ABLIM3: variants seen among roughly 807,000 people sequenced by gnomAD.
The protein encoded by ABLIM3 is actin binding LIM protein family member 3.
Under a neutral mutation model 109.5 loss-of-function variants are expected in ABLIM3, and 61 were observed. The observed-to-expected ratio is 0.56, with a 90% CI of 0.45 to 0.69. The LOEUF (loss-of-function observed/expected upper bound fraction) is 0.69, where lower values mean the gene tolerates loss of function less well. ABLIM3 is among the 30% of genes least tolerant of loss of function. ABLIM3 has a pLI of 0.00. For synonymous variants in ABLIM3, 300 were observed against 324.8 expected, an observed-to-expected ratio of 0.92 and a Z score of 0.82; for missense variants, 796 against 889.5, an observed-to-expected ratio of 0.89 and a Z score of 1.34.
intron 2 of ABLIM3, among the ~76,000 whole-genome samples, 189 bp from the exon 3 acceptor site, chr5:149,183,263 A>G (rs1207850543): frequency 3.3e-5 from 5 of 152,214 alleles, no homozygotes; most frequent in Admixed American, 6.5e-5. Flanking sequence ...AAGGAGGGCT[A>G]TGGACATGTC....
chr5:149,215,349 C>G (rs994890258), intron 7 of ABLIM3, among the ~76,000 whole-genome samples: 2 of 152,058 alleles, frequency 1.3e-5, no homozygotes, highest in African/African-American at 2.4e-5. Flanking sequence ...ATGACAAGGA[C>G]ACTGTCTCAT....
intron 2 of ABLIM3, among the ~76,000 whole-genome samples, chr5:149,143,192 G>A (rs1034172766): frequency 9.2e-5 from 14 of 151,784 alleles, no homozygotes; most frequent in Non-Finnish European, 1.6e-4. Context: ...ATGAAACCCC[G>A]TCTCTACTAA....
intron 3 of ABLIM3, among the ~76,000 whole-genome samples, chr5:149,191,052 G>A (rs1443719545): frequency 6.6e-6 from 1 of 152,062 alleles, no homozygotes; most frequent in Non-Finnish European, 1.5e-5. Flanking sequence ...AGTTTGAAGA[G>A]CAGAATGAAT....
intron 5 of ABLIM3, among the ~76,000 whole-genome samples, chr5:149,202,962 C>T (rs1319523300): frequency 6.6e-6 from 1 of 151,992 alleles, no homozygotes; most frequent in Non-Finnish European, 1.5e-5. Flanking sequence ...GTCTCAGCAG[C>T]AGCACCACCA....
chr5:149,196,468 G>A (rs1757987307), intron 3 of ABLIM3, among the ~76,000 whole-genome samples: 1 of 152,238 alleles, frequency 6.6e-6, no homozygotes, highest in Non-Finnish European at 1.5e-5. Context: ...GAAAACTGAT[G>A]TAGAAAGCCC....
chr5:149,228,059 A>G (rs978734170), intron 8 of ABLIM3, among the ~76,000 whole-genome samples: 3 of 152,198 alleles, frequency 2.0e-5, no homozygotes, highest in Admixed American at 6.5e-5. Context: ...AACATCCCTT[A>G]GTGTAAGTAC....
At chr5:149,170,901 C>T (rs1357830309) in intron 2 of ABLIM3, among the ~76,000 whole-genome samples, 1 of 152,094 alleles carries the variant, frequency 6.6e-6, no homozygotes, top group Non-Finnish European at 1.5e-5. Flanking sequence ...CTTATTATGT[C>T]TTGACTTCTT....
chr5:149,194,386 G>C (rs998825871), intron 3 of ABLIM3, among the ~76,000 whole-genome samples: 2 of 152,166 alleles, frequency 1.3e-5, no homozygotes, highest in South Asian at 4.1e-4. Flanking sequence ...ATATTACTAA[G>C]TACTGTTGAT....
At chr5:149,253,058 C>CCCCCAAAACTTCCCCATGCTGTT (rs1331484228) in intron 23 of ABLIM3, among the ~76,000 whole-genome samples, 1 of 151,684 alleles carries the variant, frequency 6.6e-6, no homozygotes, top group Non-Finnish European at 1.5e-5. Flanking sequence ...CCATGCTGTT[C>CCCCCAAAACTTCCCCATGCTGTT]CCCCAAAACT....
intron 21 of ABLIM3, 22 bp from the exon 22 acceptor site, chr5:149,252,179 G>A (rs1447195846): frequency 7.4e-6 from 12 of 1,613,712 alleles, no homozygotes; most frequent in African/African-American, 1.3e-5. Flanking sequence ...TTCTGTGTGT[G>A]TGTCTCTTTT....
chr5:149,179,612 T>C (rs764461117), intron 2 of ABLIM3, among the ~76,000 whole-genome samples: 2 of 152,110 alleles, frequency 1.3e-5, no homozygotes, highest in Non-Finnish European at 2.9e-5. Context: ...TTGTACATTT[T>C]TTTTTTTATT....
chr5:149,205,277 C>T (rs1336124374), intron 5 of ABLIM3, among the ~76,000 whole-genome samples: 2 of 152,128 alleles, frequency 1.3e-5, no homozygotes, highest in Non-Finnish European at 2.9e-5. Context: ...ACTTCCTCAC[C>T]ACCCCTTCCT....
chr5:149,200,553 C>G, intron 5 of ABLIM3, 125 bp downstream of exon 5: 1 of 888,360 alleles, frequency 1.1e-6, no homozygotes, highest in Non-Finnish European at 1.8e-6. Context: ...ACCTGGAGGC[C>G]TCCTGCATCA....
At chr5:149,174,916 G>A (rs952301169) in intron 2 of ABLIM3, among the ~76,000 whole-genome samples, 4 of 152,226 alleles carry the variant, frequency 2.6e-5, no homozygotes, top group African/African-American at 4.8e-5. Flanking sequence ...TAAATGAGAG[G>A]ATGCTTAGGA....
intron 6 of ABLIM3, among the ~76,000 whole-genome samples, chr5:149,209,702 T>C (rs1036385841): frequency 6.6e-6 from 1 of 152,112 alleles, no homozygotes; most frequent in Non-Finnish European, 1.5e-5. Context: ...GAGAACCTGA[T>C]TGAGCGGGGG....
intron 23 of ABLIM3, among the ~76,000 whole-genome samples, chr5:149,256,596 G>A (rs1207003571): frequency 6.6e-6 from 1 of 152,246 alleles, no homozygotes; most frequent in East Asian, 1.9e-4. Context: ...AAGAATTCCT[G>A]TTAGATTTTC....
chr5:149,181,175 T>C (rs1756420840), intron 2 of ABLIM3, among the ~76,000 whole-genome samples: 1 of 152,184 alleles, frequency 6.6e-6, no homozygotes, highest in Admixed American at 6.5e-5. Flanking sequence ...ATAAACAGAA[T>C]CTATATTTTT....
chr5:149,200,322 T>C lies in ABLIM3; in HGVS notation c.342T>C (p.Pro114=), dbSNP rs773828506. 1.9e-6 allele frequency: 3 copies of C among 1,614,168 alleles called. No individual in the cohort carries two copies. The highest frequency in any genetic ancestry group is 1.7e-6 in the Non-Finnish European group (2 of 1,179,984). The stretch of plus-strand genomic sequence containing the variant: ...TCCCTCATCCCACTTGCAGGAAGCC[T>C]TTCCCCATTGGAGACAAGGTGACCT... ...KCFVCSLCRK[P]FPIGDKVTFS... The change falls in exon 5 of 24, where the codon CCT becomes CCC. Residue 114 remains proline, a synonymous_variant. Coordinates refer to ENST00000309868, the MANE Select transcript of ABLIM3 (RefSeq NM_014945.5).
chr5:149,157,517 A>G (rs919552712), intron 2 of ABLIM3, among the ~76,000 whole-genome samples: 1 of 65,378 alleles, frequency 1.5e-5, no homozygotes, highest in Non-Finnish European at 2.7e-5. Flanking sequence ...TCTGTCCCCC[A>G]CCCCCCGCCC....
Sources: gnomAD v4.1 joint callset for allele counts (sites outside exome capture counted in the v4.1 genomes callset) on GRCh38, gnomAD v4.1.1 for gene constraint, MANE v1.5 for transcripts, NCBI Gene and HGNC (gene_info 2026-07-23, HGNC 2026-07-21) for gene names.